TTC28: variants seen among roughly 807,000 people sequenced by gnomAD.
TTC28 encodes tetratricopeptide repeat domain 28.
Under a neutral mutation model 198.0 loss-of-function variants are expected in TTC28, and 61 were observed. That is an observed-to-expected ratio of 0.31 (90% CI 0.25 to 0.38). The LOEUF (loss-of-function observed/expected upper bound fraction) is 0.38, where lower values mean the gene tolerates loss of function less well. TTC28 is among the 10% of genes least tolerant of loss of function. The pLI, the probability that TTC28 is intolerant of heterozygous loss-of-function variation, is 1.00. For missense variants in TTC28, 2,678 were observed against 3,164.0 expected (o/e 0.85, Z 3.69); for synonymous variants, 1,171 against 1,297.8 (o/e 0.90, Z 2.10).
At chr22:28,619,402 C>T (rs2050955667) in intron 2 of TTC28, among the ~76,000 whole-genome samples, 1 of 152,150 alleles carries the variant, frequency 6.6e-6, no homozygotes, top group African/African-American at 2.4e-5. Context: ...AGATTGAATT[C>T]CAAAGTACTA....
At chr22:28,553,254 T>G (rs1196694203) in intron 2 of TTC28, among the ~76,000 whole-genome samples, 3 of 145,030 alleles carry the variant, frequency 2.1e-5, no homozygotes, top group Non-Finnish European at 4.5e-5. Context: ...GCCCATCGTC[T>G]GGGATGTGAG....
chr22:28,036,630 C>T (rs570864256), intron 12 of TTC28, among the ~76,000 whole-genome samples: 13 of 152,166 alleles, frequency 8.5e-5, no homozygotes, highest in African/African-American at 2.6e-4. Context: ...AGAGCAAACA[C>T]GTTCAAAAAC....
chr22:28,434,393 TG>T (rs1306685690), intron 2 of TTC28, among the ~76,000 whole-genome samples: 1 of 151,990 alleles, frequency 6.6e-6, no homozygotes, highest in Admixed American at 6.6e-5. Context: ...CCTAAAAAAA[TG>T]GGCAGGTATG....
At position 28,256,791 on chromosome 22, in the gene TTC28, C is replaced by G. The variant is rs577894404; in HGVS notation, c.933+39407G>C. Among the ~76,000 whole-genome samples the G allele has an allele frequency of 1.5e-3, 223 of 152,354 alleles. 4 individuals are homozygous for G. The highest frequency in any genetic ancestry group is 4.9e-4 in the Non-Finnish European group (33 of 68,034). On this transcript the variant is annotated intron_variant, in intron 5 of 22. Transcript: ENST00000397906. ...ATAATGGCCCATGCCGTAATCTCAG[C>G]ATTTTGGGAAGCTGAAGTGGGAGCA... is the stretch of plus-strand genomic sequence containing the variant.
intron 2 of TTC28, among the ~76,000 whole-genome samples, chr22:28,406,080 A>G (rs1260085480): frequency 2.0e-5 from 3 of 152,202 alleles, no homozygotes; most frequent in East Asian, 3.9e-4. Context: ...CTAAGCCCCA[A>G]TTTTGGGGCT....
intron 6 of TTC28, among the ~76,000 whole-genome samples, chr22:28,156,103 C>T (rs1943743073): frequency 6.6e-6 from 1 of 152,184 alleles, no homozygotes; most frequent in African/African-American, 2.4e-5. Context: ...GATGGTATGG[C>T]AGGCTGAATA....
At chr22:28,277,623 A>G (rs2044495856) in intron 5 of TTC28, among the ~76,000 whole-genome samples, 1 of 152,228 alleles carries the variant, frequency 6.6e-6, no homozygotes, top group South Asian at 2.1e-4. Context: ...ATTTTGTTTC[A>G]GCATGGATAA....
At chr22:28,474,496 T>C (rs1342684602) in intron 2 of TTC28, among the ~76,000 whole-genome samples, 2 of 152,180 alleles carry the variant, frequency 1.3e-5, no homozygotes, top group African/African-American at 4.8e-5. Context: ...CAAAGTTCTC[T>C]GGGCTGGGAG....
intron 2 of TTC28, among the ~76,000 whole-genome samples, chr22:28,486,173 T>C (rs780466715): frequency 5.9e-5 from 9 of 152,140 alleles, no homozygotes; most frequent in African/African-American, 9.7e-5. Context: ...GTCTAAAGTA[T>C]ACTAAAATTA....
chr22:28,515,589 T>A (rs2146407509), intron 2 of TTC28, among the ~76,000 whole-genome samples: 1 of 152,204 alleles, frequency 6.6e-6, no homozygotes, highest in East Asian at 1.9e-4. Flanking sequence ...TGTCAAGAAA[T>A]CTAATCTTTG....
At chr22:28,487,757 A>G in intron 2 of TTC28, among the ~76,000 whole-genome samples, 1 of 152,180 alleles carries the variant, frequency 6.6e-6, no homozygotes, top group East Asian at 1.9e-4. Context: ...AATAATACGT[A>G]CCAATATCAA....
rs1238058501 is a variant in TTC28 at position 28,163,579 on chromosome 22, G to T, written c.954C>A (p.Ser318Arg). ...TGGCTGTGTACACGTGGCCCAGACT[G>T]CTCAAGGCTGATGAAGCTGCCTGGA... Reference protein sequence around the residue: ...KDREAASSALSSLGHVYTAIG... With the variant: ...KDREAASSALRSLGHVYTAIG... The change falls in exon 6 of 23, where the codon AGC becomes AGA. Residue 318 changes from serine (S) to arginine (R), a missense_variant. Coordinates refer to ENST00000397906, the MANE Select transcript of TTC28 (RefSeq NM_001145418.2). The T allele has an allele frequency of 6.5e-7, 1 of 1,540,532 alleles. No homozygotes were observed.
At chr22:28,398,159 T>C (rs529817519) in intron 2 of TTC28, among the ~76,000 whole-genome samples, 1 of 152,192 alleles carries the variant, frequency 6.6e-6, no homozygotes, top group Admixed American at 6.5e-5. Flanking sequence ...TCAAAGAGGA[T>C]CTGGTTAAGT....
chr22:28,458,738 G>A (rs752661507), intron 2 of TTC28, among the ~76,000 whole-genome samples: 13 of 151,714 alleles, frequency 8.6e-5, no homozygotes, highest in Admixed American at 5.3e-4. Context: ...AAAATTAGCC[G>A]GGCGTGGTGG....
chr22:28,548,981 A>G (rs1192094830), intron 2 of TTC28, among the ~76,000 whole-genome samples: 1 of 152,086 alleles, frequency 6.6e-6, no homozygotes, highest in East Asian at 1.9e-4. Flanking sequence ...AAACTATTTT[A>G]ATGTTTCCTC....
intron 2 of TTC28, among the ~76,000 whole-genome samples, chr22:28,453,056 A>C (rs969782548): frequency 1.3e-5 from 2 of 152,192 alleles, no homozygotes; most frequent in African/African-American, 4.8e-5. Context: ...TAGCCAGGGT[A>C]CAACAGTTCC....
intron 16 of TTC28, chr22:27,997,485 G>A (rs2040208462): frequency 6.6e-6 from 1 of 152,252 alleles, no homozygotes; most frequent in Non-Finnish European, 1.5e-5. Flanking sequence ...ACAGGACCTG[G>A]CAGAGGGACT....
rs2045202740 is a variant in TTC28, at chr22:28,309,051, T to C, written c.382-2408A>G. Among the ~76,000 whole-genome samples, 2 of 152,290 alleles carry C rather than the reference T, an allele frequency of 1.3e-5. 1 individual carries two copies. Among genetic ancestry groups the C allele is most frequent in the Middle Eastern group, 6.8e-3 (2 of 294 alleles). The stretch of plus-strand genomic sequence containing the variant: ...TACTTTTGTGAGAGAGATGTCACTA[T>C]GGAGTTCAAGCTGATGATAAAACCT... On this transcript the variant is annotated intron_variant, in intron 2 of 22. Coordinates refer to ENST00000397906, the MANE Select transcript of TTC28 (RefSeq NM_001145418.2).
intron 6 of TTC28, among the ~76,000 whole-genome samples, chr22:28,160,498 G>A (rs1462446874): frequency 6.6e-6 from 1 of 152,114 alleles, no homozygotes; most frequent in Admixed American, 6.5e-5. Context: ...AATAATGTAG[G>A]ATATCTGAAT....
Sources: allele counts gnomAD v4.1 joint callset (sites outside exome capture counted in the v4.1 genomes callset), GRCh38; gene constraint gnomAD v4.1.1; transcripts MANE v1.5; gene names NCBI Gene and HGNC (gene_info 2026-07-23, HGNC 2026-07-21).